Variants in STARD13 observed in about 807,000 individuals in gnomAD.
The protein encoded by STARD13 is stAR-related lipid transfer protein 13.
In STARD13, 62 loss-of-function variants were observed where a neutral mutation model predicts 106.4. That is an observed-to-expected ratio of 0.58 (90% CI 0.48 to 0.72). The LOEUF (loss-of-function observed/expected upper bound fraction) is 0.72. STARD13 is among the 30% of genes least tolerant of loss of function. The pLI, the probability that STARD13 is intolerant of heterozygous loss-of-function variation, is 0.00. For missense variants in STARD13, 1,387 were observed against 1,424.0 expected (o/e 0.97, Z 0.42); for synonymous variants, 565 against 553.0 (o/e 1.02, Z -0.31).
At chr13:33,426,893 A>G in the STARD13 span, among the ~76,000 whole-genome samples, 1 of 152,206 alleles carries the variant, frequency 6.6e-6, no homozygotes, top group African/African-American at 2.4e-5. Flanking sequence ...CATTTTAGAT[A>G]AAGTTAGAAT....
intron 1 of STARD13, among the ~76,000 whole-genome samples, chr13:33,212,203 C>T (rs1887763035): frequency 6.6e-6 from 1 of 152,092 alleles, no homozygotes. Flanking sequence ...TCCCTCTGTA[C>T]CTCTCCAATA....
chr13:33,144,667 C>A (rs942032759), intron 3 of STARD13, among the ~76,000 whole-genome samples: 2 of 152,312 alleles, frequency 1.3e-5, no homozygotes, highest in African/African-American at 4.8e-5. Flanking sequence ...AGGCTCTCAG[C>A]CTGTCTCTTT....
chr13:33,495,541 A>T, the STARD13 span, among the ~76,000 whole-genome samples: 9 of 152,138 alleles, frequency 5.9e-5, no homozygotes, highest in Non-Finnish European at 1.3e-4. Flanking sequence ...AGTCTTGAGT[A>T]AAATATTTAA....
the STARD13 span, among the ~76,000 whole-genome samples, chr13:33,422,915 C>T: frequency 6.6e-6 from 1 of 152,148 alleles, no homozygotes; most frequent in Admixed American, 6.5e-5. Flanking sequence ...AAACTGGATC[C>T]CTTCCTTACA....
intron 1 of STARD13, among the ~76,000 whole-genome samples, chr13:33,238,759 AAGTGCATATAATG>A (rs1245359425): frequency 6.6e-6 from 1 of 152,040 alleles, no homozygotes. Context: ...GCTAATGTGG[AAGTGCATATAATG>A]AGTCAAGTGC....
rs1013750131 is a variant in STARD13 at position 33,195,398 on chromosome 13, C to T, written c.170-27776G>A. Among the ~76,000 whole-genome samples, 3 of 152,306 alleles carry T rather than the reference C, an allele frequency of 2.0e-5. No individual in the cohort carries two copies. In the East Asian group the frequency reaches 5.8e-4, roughly 29 times the overall value. ...AGTGAACATCTCTAGGCTACTTCAT[C>T]AAAGTCCCCGGGGACCACATTTTTC... On this transcript the variant is annotated intron_variant, in intron 1 of 13. Transcript: ENST00000336934.
chr13:33,514,034 C>T, the STARD13 span, among the ~76,000 whole-genome samples: 1 of 152,134 alleles, frequency 6.6e-6, no homozygotes, highest in Admixed American at 6.5e-5. Flanking sequence ...AATCTGTCAC[C>T]TGTAGCTTGT....
chr13:33,659,545 G>A, the STARD13 span, among the ~76,000 whole-genome samples: 25 of 152,130 alleles, frequency 1.6e-4, no homozygotes, highest in South Asian at 4.2e-4. Flanking sequence ...ATTAGAAGTC[G>A]GAGCAGTTGT....
the STARD13 span, among the ~76,000 whole-genome samples, chr13:33,483,648 A>T: frequency 6.6e-6 from 1 of 152,180 alleles, no homozygotes; most frequent in Non-Finnish European, 1.5e-5. Flanking sequence ...GCTTCCTTAC[A>T]GCTCCCTAAT....
chr13:33,110,999 T>A (rs1874472455), intron 10 of STARD13, 92 bp from the exon 11 acceptor site: 5 of 1,179,876 alleles, frequency 4.2e-6, no homozygotes, highest in Non-Finnish European at 3.7e-6. Context: ...ACAACCCGGC[T>A]CTGAGCCACG....
the STARD13 span, among the ~76,000 whole-genome samples, chr13:33,671,481 C>T: frequency 6.6e-6 from 1 of 152,106 alleles, no homozygotes; most frequent in Non-Finnish European, 1.5e-5. Flanking sequence ...ACCTGTAATC[C>T]CAACACTGAG....
chr13:33,362,115 G>GA, the STARD13 span, among the ~76,000 whole-genome samples: 22 of 152,234 alleles, frequency 1.4e-4, no homozygotes, highest in African/African-American at 4.3e-4. Flanking sequence ...CATTTATAAA[G>GA]AAAATAGATT....
At chr13:33,201,048 CAAAT>C (rs1463099813) in intron 1 of STARD13, among the ~76,000 whole-genome samples, 2 of 96,032 alleles carry the variant, frequency 2.1e-5, no homozygotes, top group Non-Finnish European at 2.3e-5. Flanking sequence ...TAAAAATAAA[CAAAT>C]AAATAAACAA....
chr13:33,213,621 C>T (rs942385554), intron 1 of STARD13, among the ~76,000 whole-genome samples: 3 of 152,184 alleles, frequency 2.0e-5, no homozygotes, highest in Admixed American at 2.0e-4. Context: ...AACAGTGAGG[C>T]AGAAAGCATA....
the STARD13 span, among the ~76,000 whole-genome samples, chr13:33,617,784 G>A: frequency 6.6e-6 from 1 of 152,282 alleles, no homozygotes; most frequent in Non-Finnish European, 1.5e-5. Context: ...TTACCTCGAA[G>A]AGCCCCCATG....
chr13:33,562,524 A>T, the STARD13 span, among the ~76,000 whole-genome samples: 2 of 146,686 alleles, frequency 1.4e-5, no homozygotes, highest in Non-Finnish European at 3.0e-5. Flanking sequence ...TTATATATAT[A>T]TTTTTAACTG....
chr13:33,670,479 A>G, the STARD13 span, among the ~76,000 whole-genome samples: 3 of 152,328 alleles, frequency 2.0e-5, no homozygotes, highest in Admixed American at 6.5e-5. Context: ...AATTCTTCCA[A>G]TGAGGGCTTG....
At chr13:33,469,147 T>TC in the STARD13 span, among the ~76,000 whole-genome samples, 1 of 152,154 alleles carries the variant, frequency 6.6e-6, no homozygotes, top group African/African-American at 2.4e-5. Context: ...TCTCTCATTT[T>TC]CCCCTAAGAA....
At chr13:33,121,712 C>A (rs1366520558) in intron 7 of STARD13, among the ~76,000 whole-genome samples, 1 of 129,820 alleles carries the variant, frequency 7.7e-6, no homozygotes, top group Non-Finnish European at 1.6e-5. Context: ...CTCTGTCTAT[C>A]AGGGCTGGAG....
Sources: gnomAD v4.1 joint callset for allele counts (sites outside exome capture counted in the v4.1 genomes callset) on GRCh38, gnomAD v4.1.1 for gene constraint, MANE v1.5 for transcripts, NCBI Gene and HGNC (gene_info 2026-07-23, HGNC 2026-07-21) for gene names.